Variants in CCDC32 observed in about 807,000 individuals in gnomAD.
The protein encoded by CCDC32 is coiled-coil domain containing 32.
In CCDC32, 9 loss-of-function variants were observed where a neutral mutation model predicts 20.1. The ratio of observed to expected loss-of-function variants is 0.45; its 90% CI spans 0.27 to 0.78. The LOEUF (loss-of-function observed/expected upper bound fraction) is 0.78, where lower values mean the gene tolerates loss of function less well. Among genes scored for constraint, CCDC32 ranks in the 30% least tolerant of loss-of-function variants. CCDC32 has a pLI of 0.16. For missense variants in CCDC32, 204 were observed against 215.5 expected (o/e 0.95, Z 0.33); for synonymous variants, 63 against 79.0 (o/e 0.80, Z 1.07).
At chr15:40,551,761 C>T (rs972171202), downstream of CCDC32, among the ~76,000 whole-genome samples, 3 of 146,316 alleles carry the variant, frequency 2.1e-5, no homozygotes, top group Admixed American at 6.9e-5. Flanking sequence ...GAGCTGAGAC[C>T]GTGCCACTGC....
At position 40,554,075 on chromosome 15, in the gene CCDC32, T is replaced by G. The variant is rs952793925; in HGVS notation, c.454A>C (p.Thr152Pro). ...WLQPDKVAVS[T>P]EEVQYLIPPE... is the part of the protein sequence containing the mutation. ...GGAATCAGATACTGGACCTCCTCTG[T>G]GCTGACGGCTACTTTATCTGGCTGG... The change falls in exon 4 of 4, where the codon ACA becomes CCA. Residue 152 changes from threonine (T) to proline (P), a missense_variant. By Grantham distance (38) the Thr-to-Pro change is conservative. Coordinates refer to ENST00000416810, the MANE Select transcript of CCDC32 (RefSeq NM_001080792.4). 5 of 1,613,970 alleles carry G rather than the reference T, an allele frequency of 3.1e-6. No individual in the cohort carries two copies. Among genetic ancestry groups the G allele is most frequent in the Non-Finnish European group, 4.2e-6 (5 of 1,180,028 alleles).
chr15:40,547,957 C>T (rs1307596054), intron 3 of CCDC32, among the ~76,000 whole-genome samples: 1 of 152,206 alleles, frequency 6.6e-6, no homozygotes, highest in Non-Finnish European at 1.5e-5. Flanking sequence ...ATATGCTAGG[C>T]CACATGTGGA....
At chr15:40,524,224 C>T (rs953250368), downstream of CCDC32, among the ~76,000 whole-genome samples, 2 of 129,214 alleles carry the variant, frequency 1.5e-5, no homozygotes, top group Non-Finnish European at 3.1e-5. Flanking sequence ...ATGGCGCGAT[C>T]TCGGCTCTGC....
downstream of CCDC32, chr15:40,538,836 GA>G: frequency 5.8e-6 from 1 of 171,518 alleles, no homozygotes; most frequent in South Asian, 1.9e-4. Flanking sequence ...TTGCAATATG[GA>G]AAAGGTGACA....
chr15:40,544,296 C>T (rs1488405258), intron 3 of CCDC32, among the ~76,000 whole-genome samples: 1 of 152,166 alleles, frequency 6.6e-6, no homozygotes, highest in Non-Finnish European at 1.5e-5. Flanking sequence ...TCACTGCAGC[C>T]TCAACCTCCT....
At chr15:40,530,265 C>G (rs977438159), downstream of CCDC32, among the ~76,000 whole-genome samples, 3 of 134,992 alleles carry the variant, frequency 2.2e-5, no homozygotes, top group Non-Finnish European at 4.6e-5. Flanking sequence ...TGCACTCCAG[C>G]CTGGGCAACG....
rs188891924 is a variant in CCDC32 at position 40,559,934 on chromosome 15, A to G, written c.245-2562T>C. On this transcript the variant is annotated intron_variant, in intron 2 of 3. Coordinates refer to ENST00000416810, the MANE Select transcript of CCDC32 (RefSeq NM_001080792.4). ...TATCTCTCACCTTATACAAAAATCA[A>G]CTCAAGATGGATATAAGACTTGAAA... Among the ~76,000 whole-genome samples, 34 of 152,314 alleles carry G rather than the reference A, an allele frequency of 2.2e-4. No individual in the cohort carries two copies. In the East Asian group the frequency reaches 6.4e-3, roughly 28 times the overall value.
downstream of CCDC32, among the ~76,000 whole-genome samples, chr15:40,552,481 CAAAAAAA>C (rs58360713): frequency 2.5e-4 from 24 of 94,336 alleles, no homozygotes; most frequent in Middle Eastern, 5.8e-3. Context: ...AACTCCATCT[CAAAAAAA>C]AAAAAAAAAA....
intron 3 of CCDC32, among the ~76,000 whole-genome samples, chr15:40,539,880 A>AC (rs58704600): frequency 1.4e-5 from 2 of 139,040 alleles, no homozygotes; most frequent in Admixed American, 1.4e-4. Flanking sequence ...ACACACACAC[A>AC]CCCCGCTCCT....
In CCDC32 at chr15:40,557,302, G is replaced by T; in HGVS notation, c.315C>A (p.Ala105=). 2 of 1,614,138 alleles carry T rather than the reference G, an allele frequency of 1.2e-6. No individual in the cohort carries two copies. The highest frequency in any genetic ancestry group is 1.7e-6 in the Non-Finnish European group (2 of 1,180,020). ...GATCCCAGCATTCCTTCTTGGCTTG[G>T]GCCAGAGTTCGAAGCATGTCCTTGG... The part of the protein sequence containing the change: ...VTSKDMLRTL[A]QAKKECWDRF... The change falls in exon 3 of 4, where the codon GCC becomes GCA. Residue 105 remains alanine, a synonymous_variant. Transcript: ENST00000416810.
chr15:40,542,327 T>A (rs1889429003), intron 3 of CCDC32, among the ~76,000 whole-genome samples: 1 of 152,228 alleles, frequency 6.6e-6, no homozygotes, highest in Admixed American at 6.5e-5. Context: ...TCAAATATTT[T>A]AAAGCCAACC....
At chr15:40,546,245 G>A (rs556051487) in intron 3 of CCDC32, among the ~76,000 whole-genome samples, 18 of 151,100 alleles carry the variant, frequency 1.2e-4, no homozygotes, top group Non-Finnish European at 1.8e-4. Flanking sequence ...AGGCTGGAGG[G>A]CAGTGGCATG....
chr15:40,536,604 A>G (rs990129921), downstream of CCDC32: 1 of 152,330 alleles, frequency 6.6e-6, no homozygotes, highest in African/African-American at 2.4e-5. Context: ...GGGGGCTGTG[A>G]TCTGGCCAGG....
At chr15:40,547,783 G>A (rs1321311232) in intron 3 of CCDC32, among the ~76,000 whole-genome samples, 2 of 152,198 alleles carry the variant, frequency 1.3e-5, no homozygotes, top group African/African-American at 4.8e-5. Flanking sequence ...ACCAGCAGCC[G>A]CCTTGATCAA....
downstream of CCDC32, among the ~76,000 whole-genome samples, chr15:40,552,333 T>C (rs982135315): frequency 2.0e-5 from 3 of 151,106 alleles, no homozygotes; most frequent in African/African-American, 7.3e-5. Context: ...AATACAAAAT[T>C]AGCCGGGCGT....
chr15:40,539,443 C>A, intron 3 of CCDC32: 1 of 1,163,752 alleles, frequency 8.6e-7, no homozygotes, highest in Non-Finnish European at 1.2e-6. Context: ...GAGAGACAGG[C>A]ATACATAGGA....
At chr15:40,548,644 G>A (rs141375622), downstream of CCDC32, among the ~76,000 whole-genome samples, 1 of 152,126 alleles carries the variant, frequency 6.6e-6, no homozygotes, top group African/African-American at 2.4e-5. Flanking sequence ...TGCCTGGGGT[G>A]GGAAGACTCA....
At chr15:40,526,357 G>C (rs1182989616), downstream of CCDC32, among the ~76,000 whole-genome samples, 2 of 152,062 alleles carry the variant, frequency 1.3e-5, no homozygotes. Context: ...AAATAATACT[G>C]TAACTTGCTG....
At chr15:40,540,088 C>T (rs754991370) in intron 3 of CCDC32, among the ~76,000 whole-genome samples, 4 of 152,148 alleles carry the variant, frequency 2.6e-5, no homozygotes, top group African/African-American at 9.7e-5. Flanking sequence ...AAAAGACAGA[C>T]TGAACAGTGA....
Sources: allele counts gnomAD v4.1 joint callset (sites outside exome capture counted in the v4.1 genomes callset), GRCh38; gene constraint gnomAD v4.1.1; transcripts MANE v1.5; gene names NCBI Gene and HGNC (gene_info 2026-07-23, HGNC 2026-07-21).